FAAH2: variants seen among roughly 807,000 people sequenced by gnomAD.
FAAH2 encodes the protein fatty acid amide hydrolase 2.
In FAAH2, 60 loss-of-function variants were observed where a neutral mutation model predicts 36.9. The observed-to-expected ratio is 1.63, with a 90% confidence interval of 1.32 to 2.02. The LOEUF (loss-of-function observed/expected upper bound fraction) is 2.02, where lower values mean the gene tolerates loss of function less well. Among genes scored for constraint, FAAH2 ranks in the 30% most tolerant of loss-of-function variants. The pLI is 0.00. For missense variants in FAAH2, 689 were observed against 397.5 expected (o/e 1.73, Z -6.23); for synonymous variants, 214 against 143.8 (o/e 1.49, Z -3.49).
chrX:57,431,493 A>T lies in FAAH2; in HGVS notation c.997-425A>T, dbSNP rs187771775. Among the ~76,000 whole-genome samples, 11 of 111,786 alleles carry T rather than the reference A, an allele frequency of 9.8e-5. No homozygotes were observed. In the East Asian group the frequency reaches 2.8e-3, roughly 29 times the overall value. On this transcript the variant is annotated intron_variant, in intron 7 of 10. Coordinates refer to ENST00000374900, the MANE Select transcript of FAAH2 (RefSeq NM_174912.4). ...CAGTTAGTATTCCAAGTCAGAAAAG[A>T]CACAACAGTCCCTCAGACTGTCCCC...
intron 8 of FAAH2, among the ~76,000 whole-genome samples, chrX:57,439,390 T>C (rs868784749): frequency 2.9e-4 from 33 of 112,202 alleles, no homozygotes; most frequent in South Asian, 3.7e-4. Flanking sequence ...TTTGACTGCA[T>C]AAATGTCTTC....
At chrX:57,128,126 C>A in the FAAH2 span, among the ~76,000 whole-genome samples, 27 of 111,785 alleles carry the variant, frequency 2.4e-4, no homozygotes, top group African/African-American at 8.7e-4. Context: ...CTCATTCCAT[C>A]TATTTTGAGG....
chrX:57,394,308 T>C (rs1348336269), intron 7 of FAAH2: 7 of 994,312 alleles, frequency 7.0e-6, no homozygotes, highest in African/African-American at 3.8e-5. Context: ...CCCAGGGGTG[T>C]TGGAGTTATT....
chrX:57,379,410 T>C (rs917152620), intron 6 of FAAH2, among the ~76,000 whole-genome samples: 1 of 110,963 alleles, frequency 9.0e-6, no homozygotes, highest in African/African-American at 3.3e-5. Flanking sequence ...TCCATTTTGC[T>C]TTAGCATATA....
the FAAH2 span, among the ~76,000 whole-genome samples, chrX:57,152,033 C>A: frequency 2.3e-4 from 26 of 111,951 alleles, no homozygotes; most frequent in South Asian, 8.6e-3. Flanking sequence ...ACCCTGTTTG[C>A]CTGGGTATCA....
chrX:57,123,154 AC>A, the FAAH2 span, among the ~76,000 whole-genome samples: 2 of 109,252 alleles, frequency 1.8e-5, no homozygotes, highest in South Asian at 4.0e-4. Context: ...CCTCTCCCCT[AC>A]CCCCACCTCA....
chrX:57,473,105 C>T (rs2057200088), intron 10 of FAAH2, among the ~76,000 whole-genome samples: 1 of 110,575 alleles, frequency 9.0e-6, no homozygotes, highest in Non-Finnish European at 1.9e-5. Flanking sequence ...TTTTATATTT[C>T]CTTAAGGTGT....
chrX:57,408,099 A>G (rs1345123742), intron 7 of FAAH2, among the ~76,000 whole-genome samples: 1 of 110,737 alleles, frequency 9.0e-6, no homozygotes, highest in Non-Finnish European at 1.9e-5. Flanking sequence ...CCACATTATT[A>G]TTATTATTAT....
chrX:57,459,298 G>T (rs774304685), intron 10 of FAAH2, among the ~76,000 whole-genome samples: 36 of 112,306 alleles, frequency 3.2e-4, no homozygotes, highest in African/African-American at 1.0e-3. Flanking sequence ...ACTGGGCAGG[G>T]CATCTCTGAA....
chrX:57,193,979 TTG>T, the FAAH2 span, among the ~76,000 whole-genome samples: 1 of 111,799 alleles, frequency 8.9e-6, no homozygotes, highest in African/African-American at 3.2e-5. Flanking sequence ...CCTATAGTTT[TTG>T]TGTGTTTTTT....
chrX:57,335,197 C>T (rs987560577), intron 4 of FAAH2, among the ~76,000 whole-genome samples: 3 of 111,737 alleles, frequency 2.7e-5, no homozygotes, highest in Non-Finnish European at 5.6e-5. Context: ...CACCTGTGGG[C>T]GTTTCTCGTT....
chrX:57,177,604 A>ATATG, the FAAH2 span, among the ~76,000 whole-genome samples: 1 of 77,778 alleles, frequency 1.3e-5, no homozygotes, highest in Non-Finnish European at 2.3e-5. Flanking sequence ...ATATATATAT[A>ATATG]TATATATATA....
chrX:57,151,466 A>T, the FAAH2 span, among the ~76,000 whole-genome samples: 48 of 110,983 alleles, frequency 4.3e-4, no homozygotes, highest in African/African-American at 1.5e-3. Context: ...ATTTCTTTTT[A>T]TTCTTTTTTC....
At chrX:57,384,282 A>C (rs2054945807) in intron 7 of FAAH2, among the ~76,000 whole-genome samples, 2 of 106,838 alleles carry the variant, frequency 1.9e-5, no homozygotes, top group African/African-American at 6.6e-5. Context: ...TTCATGTCTA[A>C]AACACCAAAA....
At chrX:57,381,835 T>G (rs767695665) in intron 7 of FAAH2, among the ~76,000 whole-genome samples, 16 of 111,312 alleles carry the variant, frequency 1.4e-4, no homozygotes, top group Non-Finnish European at 2.8e-4. Flanking sequence ...CTAATAGACA[T>G]CTACAGAACT....
rs903000567 is a variant in FAAH2, at chrX:57,307,994, G to A, written c.276-2599G>A. ...ATGATTTCATTCTTTCTGTGGCTGT[G>A]TAGTATTCCATGATGCATATACACC... On this transcript the variant is annotated intron_variant, in intron 2 of 10. Coordinates refer to ENST00000374900, the MANE Select transcript of FAAH2 (RefSeq NM_174912.4). Among the ~76,000 whole-genome samples the A allele has an allele frequency of 6.3e-5, 7 of 111,181 alleles. No individual in the cohort carries two copies. In the South Asian group the frequency reaches 1.5e-3, roughly 24 times the overall value.
intron 7 of FAAH2, among the ~76,000 whole-genome samples, chrX:57,389,407 C>T (rs1330165921): frequency 6.5e-5 from 7 of 106,977 alleles, no homozygotes; most frequent in Admixed American, 1.0e-4. Context: ...CTGGCAACTA[C>T]GATTCTACTC....
intron 5 of FAAH2, among the ~76,000 whole-genome samples, chrX:57,351,199 T>C (rs1319752492): frequency 2.7e-5 from 3 of 111,292 alleles, no homozygotes; most frequent in African/African-American, 9.7e-5. Context: ...CTTTAGAAAG[T>C]ATACAAATAT....
At chrX:57,280,816 C>T in the FAAH2 span, among the ~76,000 whole-genome samples, 4 of 112,047 alleles carry the variant, frequency 3.6e-5, no homozygotes, top group Non-Finnish European at 7.5e-5. Context: ...GAATAAAAAC[C>T]TTACAGATAT....
Sources: allele counts gnomAD v4.1 joint callset (sites outside exome capture counted in the v4.1 genomes callset), GRCh38; gene constraint gnomAD v4.1.1; transcripts MANE v1.5; gene names NCBI Gene and HGNC (gene_info 2026-07-23, HGNC 2026-07-21).